CADPS2: variants seen among roughly 807,000 people sequenced by gnomAD.
CADPS2 encodes the protein calcium-dependent secretion activator 2.
A neutral mutation model predicts 172.5 loss-of-function variants in CADPS2; 93 were observed. The observed-to-expected ratio is 0.54, with a 90% confidence interval of 0.46 to 0.64. CADPS2 has a LOEUF of 0.64. Ranked by LOEUF, CADPS2 falls within the 30% of genes least tolerant of loss-of-function variation. The probability of loss-of-function intolerance (pLI) is 0.00; values close to 1 mark genes in which losing one functional copy is unlikely to be tolerated. For synonymous variants in CADPS2, 546 were observed against 555.2 expected, an observed-to-expected ratio of 0.98 and a Z score of 0.23; for missense variants, 1,420 against 1,565.9, an observed-to-expected ratio of 0.91 and a Z score of 1.57.
At chr7:122,675,569 A>C (rs190087479) in intron 2 of CADPS2, among the ~76,000 whole-genome samples, 8 of 152,346 alleles carry the variant, frequency 5.3e-5, no homozygotes, top group Admixed American at 1.3e-4. Flanking sequence ...ATGCTGCAAT[A>C]AACATATGTG....
chr7:122,702,804 G>T (rs2086378771), intron 2 of CADPS2: 1 of 1,326,138 alleles, frequency 7.5e-7, no homozygotes, highest in Non-Finnish European at 1.0e-6. Flanking sequence ...AACATCAGTT[G>T]TAGAAGAACA....
At chr7:122,407,430 C>T in intron 20 of CADPS2, 110 bp downstream of exon 20, 2 of 1,162,364 alleles carry the variant, frequency 1.7e-6, no homozygotes, top group South Asian at 1.6e-5. Context: ...TAAATGTTAC[C>T]CATGCGAACT....
At chr7:122,523,914 A>G (rs778736155) in intron 8 of CADPS2, among the ~76,000 whole-genome samples, 3 of 152,172 alleles carry the variant, frequency 2.0e-5, no homozygotes, top group Non-Finnish European at 4.4e-5. Context: ...AGAGAGGTCT[A>G]TTCCTCCATC....
chr7:122,507,438 G>T (rs996964479), intron 9 of CADPS2, among the ~76,000 whole-genome samples: 1 of 152,130 alleles, frequency 6.6e-6, no homozygotes, highest in Non-Finnish European at 1.5e-5. Flanking sequence ...TGCCTTTGGT[G>T]GGGGTATCTG....
In CADPS2 at chr7:122,676,751, T is replaced by A. The variant is rs1005578027; in HGVS notation, c.454-13182A>T. 2.2e-6 allele frequency: 3 copies of A among 1,363,122 alleles called. No individual in the cohort carries two copies. The Admixed American group carries it at 5.7e-5, about 26-fold the overall frequency. The allele number at this position is 1,363,122 out of a possible 1,614,324, so 84.4% of individuals were successfully genotyped here. A position where few individuals can be genotyped will look rare whatever the true frequency, so the allele number is the denominator to read the frequency against. Reference sequence around the variant, plus strand: ...CCAACTCAGAGGCAGATCCAGATTATCATGGAGAAACTTCTCCAGACTGTG... The same window carrying A: ...CCAACTCAGAGGCAGATCCAGATTAACATGGAGAAACTTCTCCAGACTGTG... On this transcript the variant is annotated intron_variant, in intron 2 of 29. Coordinates refer to ENST00000449022, the MANE Select transcript of CADPS2 (RefSeq NM_017954.11).
intron 1 of CADPS2, among the ~76,000 whole-genome samples, chr7:122,863,424 A>G (rs1434819454): frequency 6.6e-6 from 1 of 152,154 alleles, no homozygotes; most frequent in Non-Finnish European, 1.5e-5. Flanking sequence ...GAATCCCTAG[A>G]CCCTACCCAC....
At chr7:122,443,076 A>T (rs2051590026) in intron 15 of CADPS2, among the ~76,000 whole-genome samples, 1 of 152,178 alleles carries the variant, frequency 6.6e-6, no homozygotes, top group South Asian at 2.1e-4. Context: ...GTATTTGCAT[A>T]ATCCATCCAT....
intron 11 of CADPS2, among the ~76,000 whole-genome samples, chr7:122,489,765 G>A (rs1013590393): frequency 6.6e-6 from 1 of 152,058 alleles, no homozygotes. Flanking sequence ...ATCTATAGGA[G>A]ACTTAAGTCA....
Position 122,886,111 on chromosome 7 carries a change from T to C in CADPS2, c.227A>G (p.Asp76Gly). The C allele has an allele frequency of 6.4e-7, 1 of 1,567,920 alleles. No homozygotes were observed. The highest frequency in any genetic ancestry group is 1.4e-5 in the African/African-American group (1 of 74,000). The change falls in exon 1 of 30, where the codon GAC (aspartate) becomes GGC (glycine). Residue 76 changes from aspartate to glycine, a missense_variant. Transcript: ENST00000449022. Reference protein sequence around the residue: ...EGRDEPQRQLDDEQERRIRLQ... With the variant: ...EGRDEPQRQLGDEQERRIRLQ... ...GCGGATCCTCCGCTCCTGCTCATCG[T>C]CCAGCTGCCGCTGGGGCTCGTCTCG...
chr7:122,354,614 C>A (rs1187902375), intron 27 of CADPS2, among the ~76,000 whole-genome samples: 1 of 152,068 alleles, frequency 6.6e-6, no homozygotes, highest in Non-Finnish European at 1.5e-5. Context: ...TTTAAACCTG[C>A]AGAATTTTTG....
intron 6 of CADPS2, among the ~76,000 whole-genome samples, chr7:122,594,835 AC>A (rs1257137865): frequency 6.6e-6 from 1 of 151,992 alleles, no homozygotes; most frequent in African/African-American, 2.4e-5. Context: ...CAAATAATGT[AC>A]AAAAAAGCAC....
At chr7:122,846,312 C>T (rs1002829299) in intron 1 of CADPS2, among the ~76,000 whole-genome samples, 1 of 152,086 alleles carries the variant, frequency 6.6e-6, no homozygotes. Flanking sequence ...AAATTGCAAA[C>T]TAAAGCAAAA....
intron 1 of CADPS2, among the ~76,000 whole-genome samples, chr7:122,839,588 A>T (rs2140891512): frequency 6.6e-6 from 1 of 152,340 alleles, no homozygotes; most frequent in East Asian, 1.9e-4. Flanking sequence ...TACAGGAAAA[A>T]AACAAACAAC....
At chr7:122,872,497 C>T (rs1820024933) in intron 1 of CADPS2, among the ~76,000 whole-genome samples, 1 of 152,000 alleles carries the variant, frequency 6.6e-6, no homozygotes, top group Non-Finnish European at 1.5e-5. Flanking sequence ...ATCTCAATCT[C>T]CCTACTTACT....
At chr7:122,595,998 A>G (rs998210823) in intron 6 of CADPS2, among the ~76,000 whole-genome samples, 1 of 152,102 alleles carries the variant, frequency 6.6e-6, no homozygotes, top group African/African-American at 2.4e-5. Context: ...TACAGAAGTG[A>G]CATGTCACAA....
At chr7:122,606,449 T>C (rs557137684) in intron 6 of CADPS2, among the ~76,000 whole-genome samples, 1 of 152,214 alleles carries the variant, frequency 6.6e-6, no homozygotes, top group South Asian at 2.1e-4. Flanking sequence ...ATCGTCCCAG[T>C]TAGGGTAGCA....
At chr7:122,591,972 A>C (rs556785532) in intron 6 of CADPS2, among the ~76,000 whole-genome samples, 76 of 151,416 alleles carry the variant, frequency 5.0e-4, no homozygotes, top group African/African-American at 1.4e-3. Context: ...GCAACAAAAG[A>C]CAAAATTGAC....
At chr7:122,769,889 G>A (rs1296548149) in intron 1 of CADPS2, among the ~76,000 whole-genome samples, 1 of 152,160 alleles carries the variant, frequency 6.6e-6, no homozygotes, top group Admixed American at 6.5e-5. Context: ...TGGCTGCTGT[G>A]AGGGTTAAAT....
intron 1 of CADPS2, among the ~76,000 whole-genome samples, chr7:122,859,320 T>C (rs1336537147): frequency 1.3e-5 from 2 of 152,236 alleles, no homozygotes. Context: ...GACATCCTTC[T>C]AATTTTTTAT....
Sources: gnomAD v4.1 joint callset for allele counts (sites outside exome capture counted in the v4.1 genomes callset) on GRCh38, gnomAD v4.1.1 for gene constraint, MANE v1.5 for transcripts, NCBI Gene and HGNC (gene_info 2026-07-23, HGNC 2026-07-21) for gene names.